FAM186A: variants seen among roughly 807,000 people sequenced by gnomAD.
FAM186A encodes the protein family with sequence similarity 186 member A.
In FAM186A, 163 loss-of-function variants were observed where a neutral mutation model predicts 216.8. The ratio of observed to expected loss-of-function variants is 0.75; its 90% CI spans 0.66 to 0.86. The LOEUF (loss-of-function observed/expected upper bound fraction) is 0.86, where lower values mean the gene tolerates loss of function less well. FAM186A is among the 40% of genes least tolerant of loss of function. The probability of loss-of-function intolerance (pLI) is 0.00; values close to 1 mark genes in which losing one functional copy is unlikely to be tolerated. For missense variants in FAM186A, 2,184 were observed against 2,746.2 expected (o/e 0.80, Z 4.58); for synonymous variants, 805 against 1,025.3 (o/e 0.79, Z 4.10).
intron 1 of FAM186A, among the ~76,000 whole-genome samples, chr12:50,373,903 A>G (rs1371983020): frequency 6.6e-6 from 1 of 151,810 alleles, no homozygotes; most frequent in Non-Finnish European, 1.5e-5. Context: ...AACCAACCCA[A>G]ATGTCCAACA....
intron 1 of FAM186A, among the ~76,000 whole-genome samples, chr12:50,376,409 C>T (rs562558183): frequency 4.0e-4 from 61 of 152,272 alleles, no homozygotes; most frequent in African/African-American, 1.4e-3. Flanking sequence ...CTCCTATCCG[C>T]AGGCAAGTCA....
At chr12:50,334,211 C>T (rs1343191773) in intron 4 of FAM186A, 108 bp from the exon 5 acceptor site, 1 of 1,007,016 alleles carries the variant, frequency 9.9e-7, no homozygotes, top group Non-Finnish European at 1.4e-6. Context: ...GATCTTGTTG[C>T]CCAGGCTGGA....
At chr12:50,390,188 T>C (rs1350746334) in intron 1 of FAM186A, among the ~76,000 whole-genome samples, 1 of 152,184 alleles carries the variant, frequency 6.6e-6, no homozygotes, top group African/African-American at 2.4e-5. Context: ...TTGGATCTCC[T>C]GGGATTAATG....
intron 1 of FAM186A, among the ~76,000 whole-genome samples, chr12:50,375,907 G>A (rs889105744): frequency 1.3e-4 from 20 of 151,784 alleles, no homozygotes; most frequent in Admixed American, 7.2e-4. Flanking sequence ...TCGTGATACC[G>A]GCCCGGATCC....
chr12:50,339,175 C>A (rs114585314), intron 4 of FAM186A, among the ~76,000 whole-genome samples: 2 of 151,844 alleles, frequency 1.3e-5, no homozygotes, highest in East Asian at 1.9e-4. Flanking sequence ...TACCACCACG[C>A]CTGGCTAATT....
chr12:50,393,413 T>G (rs1480305621), intron 1 of FAM186A, among the ~76,000 whole-genome samples: 2 of 151,114 alleles, frequency 1.3e-5, no homozygotes, highest in Non-Finnish European at 1.5e-5. Context: ...GGCGGGTGCC[T>G]GTTGTCTAGT....
Position 50,354,410 on chromosome 12 carries a change from C to T in FAM186A, c.2422G>A (p.Val808Ile), listed in dbSNP as rs1264707317. Residue 808 changes from valine (V) to isoleucine (I), a missense_variant, in exon 4 of 8, where the codon GTC becomes ATC. Transcript: ENST00000327337. ...TTGTGGTCTTTCTGTACTGTTGAGA[C>T]TGTTGGAATATCTCTTTCACTTTCT... ...EIESERDIPT[V>I]STVQKDHKEK... is the part of the protein sequence containing the mutation. 2.6e-6 allele frequency: 4 copies of T among 1,551,418 alleles called. No individual in the cohort carries two copies. Among genetic ancestry groups the T allele is most frequent in the Non-Finnish European group, 2.6e-6 (3 of 1,146,992 alleles).
intron 1 of FAM186A, among the ~76,000 whole-genome samples, chr12:50,370,709 A>G (rs1282305775): frequency 2.6e-5 from 4 of 152,162 alleles, no homozygotes; most frequent in Non-Finnish European, 5.9e-5. Context: ...TCATGCTCAT[A>G]GTGTCGTTAT....
intron 1 of FAM186A, among the ~76,000 whole-genome samples, chr12:50,383,246 G>T (rs1349218514): frequency 1.4e-4 from 1 of 7,106 alleles, no homozygotes; most frequent in African/African-American, 1.7e-4. Flanking sequence ...GCAAGACTCC[G>T]TCTAAAAAAA....
chr12:50,333,812 G>A, intron 5 of FAM186A, 99 bp downstream of exon 5: 2 of 1,158,140 alleles, frequency 1.7e-6, no homozygotes, highest in South Asian at 3.4e-5. Context: ...GCCCAGGAAA[G>A]TAATATGACA....
chr12:50,344,807 A>C (rs1206702719), intron 4 of FAM186A, among the ~76,000 whole-genome samples: 2 of 152,244 alleles, frequency 1.3e-5, no homozygotes, highest in East Asian at 3.9e-4. Flanking sequence ...TCCCTACAAA[A>C]AATAAAAAAT....
intron 1 of FAM186A, among the ~76,000 whole-genome samples, chr12:50,391,591 G>A (rs1340518595): frequency 1.3e-5 from 2 of 151,454 alleles, no homozygotes; most frequent in African/African-American, 4.9e-5. Flanking sequence ...TGGGATTACA[G>A]GTGTGAGCCA....
intron 2 of FAM186A, among the ~76,000 whole-genome samples, chr12:50,362,146 G>A (rs1006124525): frequency 6.6e-6 from 1 of 151,466 alleles, no homozygotes. Context: ...CTAATTTTTT[G>A]TATTTTAGTA....
At chr12:50,362,387 G>C (rs895068583) in intron 2 of FAM186A, among the ~76,000 whole-genome samples, 1 of 152,130 alleles carries the variant, frequency 6.6e-6, no homozygotes, top group Non-Finnish European at 1.5e-5. Context: ...TTACCTTCTG[G>C]TGAAAGGAGA....
chr12:50,383,790 C>A (rs35031884), intron 1 of FAM186A, among the ~76,000 whole-genome samples: 17,422 of 151,738 alleles, frequency 0.11, 1,350 homozygotes, highest in Non-Finnish European at 0.18. Context: ...ATGTAACTGC[C>A]CAGAGCAGCA....
At position 50,354,644 on chromosome 12, in the gene FAM186A, T is replaced by A. The variant is rs1942953035; in HGVS notation, c.2188A>T (p.Thr730Ser). The A allele has an allele frequency of 6.5e-7, 1 of 1,547,808 alleles. No homozygotes were observed. Among genetic ancestry groups the A allele is most frequent in the South Asian group, 1.2e-5 (1 of 82,436 alleles). The part of the protein sequence containing the change: ...EYFQKVAETV[T>S]KILRKYKDTK... ...TCTTTGTATTTTCTCAAGATTTTAG[T>A]CACAGTTTCAGCCACTTTTTGGAAA... The change falls in exon 4 of 8, where the codon ACT becomes TCT. Residue 730 changes from threonine to serine, a missense_variant. Thr to Ser is a moderately conservative substitution (Grantham distance 58, BLOSUM62 1). Coordinates refer to ENST00000327337, the MANE Select transcript of FAM186A (RefSeq NM_001145475.3).
At chr12:50,336,128 A>AT (rs1247240331) in intron 4 of FAM186A, among the ~76,000 whole-genome samples, 1 of 151,028 alleles carries the variant, frequency 6.6e-6, no homozygotes, top group Non-Finnish European at 1.5e-5. Flanking sequence ...CCATCTCAAA[A>AT]AAAAAAAAAA....
At position 50,354,186 on chromosome 12, in the gene FAM186A, CTG is replaced by C. The variant is rs1177027771; in HGVS notation, c.2644_2645del (p.Gln882ValfsTer20). 1.3e-6 allele frequency: 2 copies of C among 1,551,714 alleles called. No homozygotes were observed. Among genetic ancestry groups the C allele is most frequent in the South Asian group, 2.4e-5 (2 of 84,064 alleles). ...EGKQEQQSQK[Q>X]WQEEEMWKEE... Reference sequence around the variant, plus strand: ...CCTTCCACATCTCTTCTTCCTGCCACTGTTTCTGGCTCTGTTGTTCTTGCTTT... The same window carrying C: ...CCTTCCACATCTCTTCTTCCTGCCACTTTCTGGCTCTGTTGTTCTTGCTTT... On this transcript the variant is annotated frameshift_variant, in exon 4 of 8. Coordinates refer to ENST00000327337, the MANE Select transcript of FAM186A (RefSeq NM_001145475.3). LOFTEE classifies it high-confidence loss of function.
At chr12:50,337,121 C>T (rs1942716235) in intron 4 of FAM186A, among the ~76,000 whole-genome samples, 1 of 150,942 alleles carries the variant, frequency 6.6e-6, no homozygotes, top group African/African-American at 2.4e-5. Context: ...TTTTAATTTT[C>T]CAATAAGCCT....
Sources: allele counts gnomAD v4.1 joint callset (sites outside exome capture counted in the v4.1 genomes callset), GRCh38; gene constraint gnomAD v4.1.1; transcripts MANE v1.5; gene names NCBI Gene and HGNC (gene_info 2026-07-23, HGNC 2026-07-21).